BCAP29: variants seen among roughly 807,000 people sequenced by gnomAD.
BCAP29 encodes B-cell receptor-associated protein 29.
In BCAP29, 34 loss-of-function variants were observed where a neutral mutation model predicts 31.8. That is an observed-to-expected ratio of 1.07 (90% CI 0.81 to 1.42). BCAP29 has a LOEUF of 1.42. BCAP29 is among the 40% of genes most tolerant of loss of function. The probability of loss-of-function intolerance (pLI) is 0.00; values close to 1 mark genes in which losing one functional copy is unlikely to be tolerated. For synonymous variants in BCAP29, 104 were observed against 91.3 expected (o/e 1.14, Z -0.79); for missense variants, 314 against 269.2 (o/e 1.17, Z -1.16).
chr7:107,598,327 A>G (rs1213525637), intron 5 of BCAP29, among the ~76,000 whole-genome samples: 1 of 152,214 alleles, frequency 6.6e-6, no homozygotes, highest in Non-Finnish European at 1.5e-5. Flanking sequence ...CTCTTTACAA[A>G]AAAGAAAAAC....
chr7:107,580,369 C>T (rs1405158254), intron 1 of BCAP29, 68 bp downstream of exon 1: 3 of 169,488 alleles, frequency 1.8e-5, no homozygotes, highest in Admixed American at 6.5e-5. Context: ...GCTGCCTGGT[C>T]TGGAGAACCC....
chr7:107,620,890 A>G (rs914676541), downstream of BCAP29: 2 of 152,068 alleles, frequency 1.3e-5, no homozygotes, highest in African/African-American at 2.4e-5. Context: ...AAGTTTAACT[A>G]CTCTCTGAGA....
chr7:107,621,007 G>C (rs1229723459), downstream of BCAP29: 3 of 152,282 alleles, frequency 2.0e-5, no homozygotes, highest in African/African-American at 4.8e-5. Context: ...TCCTCATTGG[G>C]CCTGCTAGCC....
chr7:107,592,578 T>C (rs1809071790), intron 3 of BCAP29, among the ~76,000 whole-genome samples: 1 of 152,208 alleles, frequency 6.6e-6, no homozygotes, highest in Non-Finnish European at 1.5e-5. Context: ...AGTTCATCTC[T>C]TAGGTATGTA....
intron 4 of BCAP29, among the ~76,000 whole-genome samples, chr7:107,594,888 C>T (rs1809533604): frequency 6.6e-6 from 1 of 152,116 alleles, no homozygotes; most frequent in Non-Finnish European, 1.5e-5. Context: ...TAGGTTTGCC[C>T]AGTCCATAAG....
At chr7:107,600,342 A>T (rs1810927324) in intron 5 of BCAP29, 55 bp from the exon 6 acceptor site, 1 of 1,028,246 alleles carries the variant, frequency 9.7e-7, no homozygotes. Flanking sequence ...TTCTGTAAGA[A>T]TGTCTGGCTA....
At position 107,618,524 on chromosome 7, in the gene BCAP29, G is replaced by A; in HGVS notation, c.*161G>A. On this transcript the variant is annotated 3_prime_UTR_variant, in exon 8 of 8. Transcript: ENST00000005259. ...TAATGGCATTATCAAAATATTTGAT[G>A]ATGTTTCAGATATATTGCAAAGTCT... 6.2e-7 allele frequency: 1 copy of A among 1,605,472 alleles called. No homozygotes were observed. The highest frequency in any genetic ancestry group is 1.1e-5 in the South Asian group (1 of 90,784).
In BCAP29 at chr7:107,595,972, A is replaced by G. The variant is rs767256808; in HGVS notation, c.450A>G (p.Lys150=). The G allele has an allele frequency of 6.3e-7, 1 of 1,578,782 alleles. No individual in the cohort carries two copies. Among genetic ancestry groups the G allele is most frequent in the Admixed American group, 2.1e-5 (1 of 48,716 alleles). ...AAAATACTAACAAGGCTGCCAAAAA[A>G]TTTATGGAAGAAAACGAAAAACTAA... ...QAENTNKAAK[K]FMEENEKLKR... The change falls in exon 5 of 8, where the codon AAA becomes AAG. Residue 150 remains lysine (K), a synonymous_variant. Transcript: ENST00000005259.
intron 2 of BCAP29, among the ~76,000 whole-genome samples, chr7:107,583,300 T>TTATA (rs150585484): frequency 1.6e-4 from 24 of 150,356 alleles, no homozygotes; most frequent in African/African-American, 2.7e-4. Flanking sequence ...TTACATGGTT[T>TTATA]TATATATATA....
intron 6 of BCAP29, 27 bp from the exon 7 acceptor site, chr7:107,613,305 A>C: frequency 6.6e-7 from 1 of 1,520,898 alleles, no homozygotes; most frequent in Non-Finnish European, 9.0e-7. Context: ...TTCTGAAATA[A>C]AAATAAAACT....
At chr7:107,588,060 T>C (rs1808034481) in intron 3 of BCAP29, 1 of 152,166 alleles carries the variant, frequency 6.6e-6, no homozygotes, top group Non-Finnish European at 1.5e-5. Context: ...TCTTAACTTT[T>C]TACCTCGCTG....
chr7:107,615,207 A>G (rs574392158), intron 7 of BCAP29: 2 of 456,618 alleles, frequency 4.4e-6, no homozygotes, highest in Non-Finnish European at 4.4e-6. Flanking sequence ...AAGAATATAT[A>G]TAACAGTGAG....
At chr7:107,615,028 C>G (rs930440924) in intron 7 of BCAP29, among the ~76,000 whole-genome samples, 6 of 152,178 alleles carry the variant, frequency 3.9e-5, no homozygotes, top group African/African-American at 7.2e-5. Flanking sequence ...CATTAGTGGA[C>G]TTTGCCATGA....
chr7:107,583,889 A>G lies in BCAP29; in HGVS notation c.100A>G (p.Lys34Glu), dbSNP rs115265641. The change falls in exon 3 of 8, where the codon AAG becomes GAG. Residue 34 changes from lysine to glutamate, a missense_variant. By Grantham distance (56) the Lys-to-Glu change is moderately conservative. Transcript: ENST00000005259. ...AATTGTATTGCTTTACAGATGGCAG[A>G]AGATTTTTTCATTTAATGTCTGGGG... Reference protein sequence around the residue: ...LPFIPPQRWQKIFSFNVWGKI... With the variant: ...LPFIPPQRWQEIFSFNVWGKI... 20 of 1,554,780 alleles carry G rather than the reference A, an allele frequency of 1.3e-5. No individual in the cohort carries two copies. In the East Asian group the frequency reaches 4.4e-4, roughly 34 times the overall value.
At chr7:107,581,256 A>C (rs79526948) in intron 2 of BCAP29, among the ~76,000 whole-genome samples, 3,616 of 152,346 alleles carry the variant, frequency 0.024, 153 homozygotes, top group African/African-American at 0.081. Flanking sequence ...TGGGTGTAAA[A>C]GTGTTTCACT....
At chr7:107,594,875 T>G (rs1039712032) in intron 4 of BCAP29, among the ~76,000 whole-genome samples, 2 of 152,168 alleles carry the variant, frequency 1.3e-5, no homozygotes, top group Non-Finnish European at 2.9e-5. Context: ...AGTTAACAGC[T>G]TGTAGGTTTG....
rs200325722 is a variant in BCAP29, at chr7:107,581,523, C to A, written c.92+659C>A. 1.1e-4 allele frequency among the ~76,000 whole-genome samples: 17 copies of A among 152,178 alleles called. No homozygotes were observed. The East Asian group carries it at 3.1e-3, about 28-fold the overall frequency. ...CAAGCAGTGGTTCATTTTACCCTTG[C>A]AGTAATCTACTTTTTAGTCGTTTAA... On this transcript the variant is annotated intron_variant, in intron 2 of 7. Coordinates refer to ENST00000005259, the MANE Select transcript of BCAP29 (RefSeq NM_018844.4).
chr7:107,584,609 G>A (rs912515014), intron 3 of BCAP29, among the ~76,000 whole-genome samples: 2 of 152,122 alleles, frequency 1.3e-5, no homozygotes, highest in African/African-American at 4.8e-5. Context: ...TCGGGAGGCT[G>A]AGAGACTGGA....
intron 3 of BCAP29, among the ~76,000 whole-genome samples, chr7:107,585,433 C>A (rs554403952): frequency 6.6e-6 from 1 of 152,112 alleles, no homozygotes; most frequent in Non-Finnish European, 1.5e-5. Flanking sequence ...AGCCATATAA[C>A]TAGTTATGAG....
Sources: allele counts gnomAD v4.1 joint callset (sites outside exome capture counted in the v4.1 genomes callset), GRCh38; gene constraint gnomAD v4.1.1; transcripts MANE v1.5; gene names NCBI Gene and HGNC (gene_info 2026-07-23, HGNC 2026-07-21).